The following TRNAU1AP variants were observed in gnomAD, a reference collection of about 807,000 sequenced individuals.
TRNAU1AP encodes the protein tRNA selenocysteine 1-associated protein 1.
Under a neutral mutation model 43.3 loss-of-function variants are expected in TRNAU1AP, and 33 were observed. The ratio of observed to expected loss-of-function variants is 0.76; its 90% CI spans 0.58 to 1.02. The LOEUF is 1.02. Ranked by LOEUF, TRNAU1AP falls within the 50% of genes least tolerant of loss-of-function variation. The pLI is 0.00. For missense variants in TRNAU1AP, 290 were observed against 362.7 expected, an observed-to-expected ratio of 0.80 and a Z score of 1.63; for synonymous variants, 143 against 129.1, an observed-to-expected ratio of 1.11 and a Z score of -0.73.
intron 2 of TRNAU1AP, among the ~76,000 whole-genome samples, chr1:28,557,932 G>T (rs1665310539): frequency 6.8e-6 from 1 of 146,278 alleles, no homozygotes; most frequent in Admixed American, 6.9e-5. Context: ...CAGAGTCTCT[G>T]TCGCCCAGGC....
intron 8 of TRNAU1AP, among the ~76,000 whole-genome samples, chr1:28,573,279 C>CT (rs1380265675): frequency 0.059 from 6 of 102 alleles, no homozygotes; most frequent in South Asian, 0.5. Flanking sequence ...ATCCGCCTGC[C>CT]TCGCCTCCCA....
chr1:28,560,872 A>G (rs1665390314), intron 3 of TRNAU1AP, 140 bp downstream of exon 3: 1 of 872,106 alleles, frequency 1.1e-6, no homozygotes, highest in South Asian at 2.0e-5. Flanking sequence ...TTGTAGGCCC[A>G]GGAAACTGAA....
intron 1 of TRNAU1AP, 23 bp from the exon 2 acceptor site, chr1:28,553,617 G>A (rs1200005597): frequency 1.2e-6 from 2 of 1,611,036 alleles, no homozygotes; most frequent in South Asian, 1.1e-5. Flanking sequence ...GGCCTGAGCC[G>A]CTGTGCTCTT....
At chr1:28,573,804 G>T (rs1230301808) in intron 8 of TRNAU1AP, among the ~76,000 whole-genome samples, 1 of 151,282 alleles carries the variant, frequency 6.6e-6, no homozygotes, top group East Asian at 1.9e-4. Flanking sequence ...AGGCATGGTG[G>T]CCCATGCCTG....
rs926233222 is a variant in TRNAU1AP, at chr1:28,571,941, G to A, written c.727+41G>A. 4 of 1,567,144 alleles carry A rather than the reference G, an allele frequency of 2.6e-6. No homozygotes were observed. In the African/African-American group the frequency reaches 5.4e-5, roughly 21 times the overall value. ...TTCCTTACTCTGTCAGCCATTATCA[G>A]GTGACTGCTGTGGCTGGCACTGTGC... On this transcript the variant is annotated intron_variant, in intron 8 of 8. Transcript: ENST00000373830.
intron 2 of TRNAU1AP, among the ~76,000 whole-genome samples, chr1:28,556,683 TTTTG>T (rs950217109): frequency 5.3e-5 from 8 of 151,684 alleles, no homozygotes; most frequent in African/African-American, 9.7e-5. Context: ...AGCTCATTTT[TTTTG>T]TTTGTTTGTT....
intron 8 of TRNAU1AP, among the ~76,000 whole-genome samples, chr1:28,576,388 G>A (rs1377350234): frequency 4.1e-5 from 6 of 145,652 alleles, no homozygotes; most frequent in African/African-American, 7.6e-5. Flanking sequence ...GCGTGATCTC[G>A]GCTCACTGCA....
Position 28,568,113 on chromosome 1 carries a change from G to A in TRNAU1AP, c.530+700G>A, listed in dbSNP as rs542030458. Among the ~76,000 whole-genome samples the A allele has an allele frequency of 3.3e-5, 5 of 152,254 alleles. No individual in the cohort carries two copies. In the South Asian group the frequency reaches 8.3e-4, roughly 25 times the overall value. On this transcript the variant is annotated intron_variant, in intron 6 of 8. Transcript: ENST00000373830. Reference sequence around the variant, plus strand: ...TGGGTGGCGGAGGTTGCAGTGAGCCGAGATGGCATCAGTGCACTCTGGCCT... The same window carrying A: ...TGGGTGGCGGAGGTTGCAGTGAGCCAAGATGGCATCAGTGCACTCTGGCCT...
chr1:28,567,433 T>C lies in TRNAU1AP; in HGVS notation c.530+20T>C. 1 of 1,583,704 alleles carries C rather than the reference T, an allele frequency of 6.3e-7. No individual in the cohort carries two copies. Among genetic ancestry groups the C allele is most frequent in the Non-Finnish European group, 8.5e-7 (1 of 1,171,152 alleles). ...TAAAGCGTGAGTCCTGCAGGGAAGG[T>C]AGAGAGACTCTAGACTCCCCTCCAG... is the stretch of plus-strand genomic sequence containing the variant. On this transcript the variant is annotated intron_variant, in intron 6 of 8. Transcript: ENST00000373830.
At position 28,560,567 on chromosome 1, in the gene TRNAU1AP, C is replaced by T. The variant is rs374580498; in HGVS notation, c.126-66C>T. The stretch of plus-strand genomic sequence containing the variant: ...TTGGGATTATATGCGTGAGCCATCA[C>T]GCCTGGCCTCATCTTGAGCCATTTT... On this transcript the variant is annotated intron_variant, in intron 2 of 8. Coordinates refer to ENST00000373830, the MANE Select transcript of TRNAU1AP (RefSeq NM_017846.5). 5.3e-5 allele frequency: 72 copies of T among 1,355,996 alleles called. No homozygotes were observed. The East Asian group carries it at 6.2e-4, about 12-fold the overall frequency. 84.0% of individuals were successfully genotyped at this position (1,355,996 alleles called of 1,614,324 possible). A position where few individuals can be genotyped will look rare whatever the true frequency, so the allele number is the denominator to read the frequency against.
chr1:28,572,817 C>T (rs899900788), intron 8 of TRNAU1AP, among the ~76,000 whole-genome samples: 2 of 151,334 alleles, frequency 1.3e-5, no homozygotes, highest in East Asian at 4.1e-4. Flanking sequence ...CGCCTGTAGT[C>T]CCAGCTACTC....
At chr1:28,572,276 C>T (rs951543019) in intron 8 of TRNAU1AP, among the ~76,000 whole-genome samples, 7 of 152,126 alleles carry the variant, frequency 4.6e-5, no homozygotes, top group African/African-American at 9.7e-5. Flanking sequence ...TCACCGCAAC[C>T]TCCACCTGCC....
At chr1:28,571,927 G>A in intron 8 of TRNAU1AP, 27 bp downstream of exon 8, 3 of 1,604,660 alleles carry the variant, frequency 1.9e-6, no homozygotes, top group Non-Finnish European at 2.6e-6. Flanking sequence ...TCCTTACTCT[G>A]TCAGCCATTA....
At chr1:28,563,581 G>A (rs1436263509) in intron 4 of TRNAU1AP, among the ~76,000 whole-genome samples, 2 of 152,072 alleles carry the variant, frequency 1.3e-5, no homozygotes, top group African/African-American at 4.8e-5. Context: ...CTACTCAGGA[G>A]GCTGAGGCAA....
Position 28,553,901 on chromosome 1 carries a change from C to G in TRNAU1AP, c.125+164C>G, listed in dbSNP as rs1665192641. On this transcript the variant is annotated intron_variant, in intron 2 of 8. Transcript: ENST00000373830. ...CAATGAGTGGAAGGATGGCATGTAG[C>G]TTAAGGGTAGGACTTGCCAGGCGTT... is the stretch of plus-strand genomic sequence containing the variant. 9.0e-6 allele frequency: 6 copies of G among 667,676 alleles called. No individual in the cohort carries two copies. In the East Asian group the frequency reaches 1.7e-4, roughly 19 times the overall value. The allele number at this position is 667,676 out of a possible 1,614,324, so 41.4% of individuals were successfully genotyped here.
chr1:28,558,722 G>A (rs1176028105), intron 2 of TRNAU1AP, among the ~76,000 whole-genome samples: 1 of 151,892 alleles, frequency 6.6e-6, no homozygotes, highest in African/African-American at 2.4e-5. Context: ...CCGCCACCAC[G>A]CCTGGCTAAT....
At chr1:28,553,181 C>G in intron 1 of TRNAU1AP, 44 bp downstream of exon 1, 1 of 1,461,654 alleles carries the variant, frequency 6.8e-7, no homozygotes, top group East Asian at 2.8e-5. Flanking sequence ...AAGGAAGCAT[C>G]TCGGTTTCGC....
intron 8 of TRNAU1AP, among the ~76,000 whole-genome samples, chr1:28,572,993 C>T (rs900373632): frequency 2.6e-5 from 4 of 151,174 alleles, no homozygotes; most frequent in Non-Finnish European, 4.4e-5. Context: ...CACCCCATAT[C>T]CTATTACAAC....
chr1:28,557,581 GTGTTTTGTTT>G (rs942434825), intron 2 of TRNAU1AP, among the ~76,000 whole-genome samples: 220 of 147,120 alleles, frequency 1.5e-3, no homozygotes, highest in African/African-American at 5.3e-3. Context: ...TATAATCTTG[GTGTTTTGTTT>G]TGTTTTGTTT....
Sources: allele counts gnomAD v4.1 joint callset (sites outside exome capture counted in the v4.1 genomes callset), GRCh38; gene constraint gnomAD v4.1.1; transcripts MANE v1.5; gene names NCBI Gene and HGNC (gene_info 2026-07-23, HGNC 2026-07-21).